Variants in ABR observed in about 807,000 individuals in gnomAD.
The protein encoded by ABR is active breakpoint cluster region-related protein.
A neutral mutation model predicts 107.2 loss-of-function variants in ABR; 35 were observed. The ratio of observed to expected loss-of-function variants is 0.33; its 90% CI spans 0.25 to 0.43. The LOEUF is 0.43. Ranked by LOEUF, ABR falls within the 20% of genes least tolerant of loss-of-function variation. The probability of loss-of-function intolerance (pLI) is 1.00; values close to 1 mark genes in which losing one functional copy is unlikely to be tolerated. For missense variants in ABR, 815 were observed against 1,115.2 expected (o/e 0.73, Z 3.83); for synonymous variants, 498 against 462.0 (o/e 1.08, Z -1.00).
chr17:1,073,646 A>C lies in ABR; in HGVS notation c.732T>G (p.Thr244=). The C allele has an allele frequency of 6.2e-7, 1 of 1,604,680 alleles. No homozygotes were observed. The highest frequency in any genetic ancestry group is 8.5e-7 in the Non-Finnish European group (1 of 1,174,524). ...TCACGTGTAGGACTAGGGTGCTCCG[A>C]GTGACCCGGTCAATGGGCTTGTAGA... The part of the protein sequence containing the change: ...ALLYKPIDRV[T]RSTLVLHDLL... Residue 244 remains threonine (T), a synonymous_variant, in exon 7 of 23, where the codon ACT becomes ACG. Transcript: ENST00000302538.
intron 1 of ABR, among the ~76,000 whole-genome samples, chr17:1,217,841 C>T (rs1049278905): frequency 1.3e-5 from 2 of 152,180 alleles, no homozygotes; most frequent in African/African-American, 2.4e-5. Context: ...ATTACAGGCA[C>T]GTGCCACCAT....
intron 1 of ABR, among the ~76,000 whole-genome samples, chr17:1,209,926 AT>A (rs2042870173): frequency 6.6e-6 from 1 of 152,186 alleles, no homozygotes. Context: ...AATTCAGCAA[AT>A]TTACGAATCA....
chr17:1,167,851 A>G (rs1385769085), intron 1 of ABR, among the ~76,000 whole-genome samples: 1 of 152,196 alleles, frequency 6.6e-6, no homozygotes, highest in Non-Finnish European at 1.5e-5. Flanking sequence ...GCAGGTAAAC[A>G]CTATAAAACA....
At chr17:1,213,700 G>A (rs758066500) in intron 1 of ABR, among the ~76,000 whole-genome samples, 42 of 149,290 alleles carry the variant, frequency 2.8e-4, no homozygotes, top group African/African-American at 6.4e-4. Flanking sequence ...CAAAGGTTAC[G>A]GTCTTAACTC....
At chr17:1,026,587 C>T (rs939128676) in intron 16 of ABR, among the ~76,000 whole-genome samples, 5 of 152,194 alleles carry the variant, frequency 3.3e-5, no homozygotes, top group Admixed American at 6.5e-5. Flanking sequence ...GGGCCCCTCC[C>T]GCCTCTCCAG....
intron 1 of ABR, among the ~76,000 whole-genome samples, chr17:1,227,528 C>G (rs750805153): frequency 2.0e-5 from 3 of 152,234 alleles, no homozygotes; most frequent in Non-Finnish European, 4.4e-5. Flanking sequence ...AAACAGATGA[C>G]TTGATGGACC....
chr17:1,081,298 C>T (rs2036220572), intron 5 of ABR, among the ~76,000 whole-genome samples: 1 of 152,210 alleles, frequency 6.6e-6, no homozygotes, highest in African/African-American at 2.4e-5. Context: ...CGGTCTTGAA[C>T]TCCTGGGCTC....
Position 1,179,650 on chromosome 17 carries a change from C to T in ABR, c.61+17G>A. ...CGATCCCGATCCTGGGGTCCCGCCC[C>T]CGCCCGGCACACGTACTGCTGTAGA... On this transcript the variant is annotated intron_variant, in intron 1 of 22. Transcript: ENST00000302538. This position sits in a 1 kb window ranked among gnomAD's most constrained non-coding sequence, Gnocchi z 4.9. 1 of 1,526,512 alleles carries T rather than the reference C, an allele frequency of 6.6e-7. No homozygotes were observed. The highest frequency in any genetic ancestry group is 8.8e-7 in the Non-Finnish European group (1 of 1,136,232). The allele number at this position is 1,526,512 out of a possible 1,614,324, so 94.6% of individuals were successfully genotyped here. A position where few individuals can be genotyped will look rare whatever the true frequency, so the allele number is the denominator to read the frequency against.
intron 7 of ABR, 27 bp from the exon 8 acceptor site, chr17:1,072,781 G>A (rs1156846101): frequency 4.4e-6 from 7 of 1,608,394 alleles, no homozygotes; most frequent in East Asian, 2.2e-5. Context: ...GGTGAGTTGA[G>A]GGGAGCGGCT....
In ABR at chr17:1,064,279, CTGT is replaced by C. The variant is rs2034423815; in HGVS notation, c.1182+2795_1182+2797del. Among the ~76,000 whole-genome samples, 6 of 37,742 alleles carry C rather than the reference CTGT, an allele frequency of 1.6e-4. 1 individual carries two copies. The highest frequency in any genetic ancestry group is 3.4e-4 in the African/African-American group (4 of 11,734). 24.8% of individuals were successfully genotyped at this position (37,742 alleles called of 152,430 possible). A position where few individuals can be genotyped will look rare whatever the true frequency, so the allele number is the denominator to read the frequency against. On this transcript the variant is annotated intron_variant, in intron 10 of 22. Transcript: ENST00000302538. The stretch of plus-strand genomic sequence containing the variant: ...AGGGCTATGCATGTTCCTCCAGACA[CTGT>C]TGTTATGTGAACTGAGGGCTATGCA...
chr17:1,062,231 CGCT>C (rs2034053981), intron 10 of ABR, among the ~76,000 whole-genome samples: 1 of 143,708 alleles, frequency 7.0e-6, no homozygotes, highest in African/African-American at 2.6e-5. Context: ...TTCCTCTAGA[CGCT>C]GCTGTTATGT....
At chr17:1,012,114 G>T (rs2070628038) in intron 18 of ABR, 129 bp from the exon 19 acceptor site, 1 of 1,480,238 alleles carries the variant, frequency 6.8e-7, no homozygotes, top group Non-Finnish European at 9.2e-7. Flanking sequence ...GCGGGGGCAG[G>T]GGCAGGGCAG....
rs752552337 is a variant in ABR at position 1,067,261 on chromosome 17, G to C, written c.1017-19C>G. The C allele has an allele frequency of 8.4e-6, 13 of 1,555,522 alleles. No individual in the cohort carries two copies. In the East Asian group the frequency reaches 2.3e-4, roughly 27 times the overall value. The stretch of plus-strand genomic sequence containing the variant: ...GTGCTTCCTGCAAACGAGCCAGAGG[G>C]AGCCATGAGCCAGAGGGAGCCTGGC... On this transcript the variant is annotated intron_variant, in intron 9 of 22. Coordinates refer to ENST00000302538, the MANE Select transcript of ABR (RefSeq NM_021962.5).
intron 2 of ABR, among the ~76,000 whole-genome samples, chr17:1,104,775 C>T (rs935256909): frequency 6.6e-6 from 1 of 152,200 alleles, no homozygotes; most frequent in Non-Finnish European, 1.5e-5. Context: ...ACAGAGAAGA[C>T]GGGTCAACTG....
intron 1 of ABR, among the ~76,000 whole-genome samples, chr17:1,197,381 C>T (rs2042589865): frequency 6.6e-6 from 1 of 151,448 alleles, no homozygotes; most frequent in African/African-American, 2.4e-5. Flanking sequence ...GCCCCATGCC[C>T]CATTTTTGGT....
At chr17:1,066,310 A>G (rs1388202246) in intron 10 of ABR, among the ~76,000 whole-genome samples, 2 of 152,204 alleles carry the variant, frequency 1.3e-5, no homozygotes, top group African/African-American at 4.8e-5. Flanking sequence ...GAAGGTCCCA[A>G]ACGTGTGTGA....
intron 6 of ABR, among the ~76,000 whole-genome samples, chr17:1,076,036 C>T (rs2035679635): frequency 1.3e-5 from 2 of 152,106 alleles, no homozygotes; most frequent in Non-Finnish European, 2.9e-5. Context: ...AGTGAGTCTT[C>T]GTTTAAATAA....
In ABR at chr17:1,054,665, AACCTG is replaced by A. The variant is rs1335526663; in HGVS notation, c.1561+1365_1561+1369del. ...AACCTCAGGGGATGGGGGCACAAGG[AACCTG>A]AGGGGATGGGGGCACAAGGAACCTC... is the stretch of plus-strand genomic sequence containing the variant. On this transcript the variant is annotated intron_variant, in intron 14 of 22. Transcript: ENST00000302538. 7.6e-4 allele frequency among the ~76,000 whole-genome samples: 38 copies of A among 50,250 alleles called. 18 individuals are homozygous for A. The highest frequency in any genetic ancestry group is 1.7e-3 in the African/African-American group (22 of 12,588). The allele number at this position is 50,250 out of a possible 152,430, so 33.0% of individuals were successfully genotyped here.
At chr17:1,060,493 G>A (rs554539840) in intron 10 of ABR, among the ~76,000 whole-genome samples, 23 of 152,288 alleles carry the variant, frequency 1.5e-4, no homozygotes, top group Admixed American at 7.2e-4. Context: ...AAAACAGCAC[G>A]TGTAGTCTAG....
Sources: allele counts gnomAD v4.1 joint callset (sites outside exome capture counted in the v4.1 genomes callset), GRCh38; gene constraint gnomAD v4.1.1; non-coding constraint Gnocchi (gnomAD v3.1); transcripts MANE v1.5; gene names NCBI Gene and HGNC (gene_info 2026-07-23, HGNC 2026-07-21).